Variants in KIF1A observed in about 807,000 individuals in gnomAD.
KIF1A encodes kinesin-like protein KIF1A.
Under a neutral mutation model 227.3 loss-of-function variants are expected in KIF1A, and 46 were observed. That is an observed-to-expected ratio of 0.20 (90% CI 0.16 to 0.26). The LOEUF is 0.26. KIF1A is among the 10% of genes least tolerant of loss of function. The pLI, the probability that KIF1A is intolerant of heterozygous loss-of-function variation, is 1.00. For synonymous variants in KIF1A, 1,022 were observed against 1,012.8 expected (o/e 1.01, Z -0.17); for missense variants, 1,683 against 2,485.9 (o/e 0.68, Z 6.87).
intron 45 of KIF1A, 73 bp downstream of exon 45, chr2:240,720,841 G>A (rs2045270189): frequency 6.8e-7 from 1 of 1,470,004 alleles, no homozygotes; most frequent in East Asian, 2.5e-5. Context: ...TGCTCTCTGT[G>A]CCCGAGTCAC....
At chr2:240,748,678 G>T in intron 28 of KIF1A, 1 of 330,230 alleles carries the variant, frequency 3.0e-6, no homozygotes. Flanking sequence ...CCAGCAGCAG[G>T]GCTGGGGCCC....
At chr2:240,779,700 TCAGTTCCTCA>T (rs1410629569) in intron 10 of KIF1A, among the ~76,000 whole-genome samples, 1 of 148,610 alleles carries the variant, frequency 6.7e-6, no homozygotes, top group African/African-American at 2.6e-5. Flanking sequence ...ACTTCCTCAC[TCAGTTCCTCA>T]CAGTTCCTCA....
At chr2:240,745,179 G>A (rs781559323) in intron 32 of KIF1A, among the ~76,000 whole-genome samples, 4 of 152,068 alleles carry the variant, frequency 2.6e-5, no homozygotes, top group African/African-American at 9.7e-5. Context: ...GCTCCCCATC[G>A]GCTCTATGCT....
chr2:240,819,815 G>T (rs1185290260), intron 1 of KIF1A, among the ~76,000 whole-genome samples: 1 of 152,002 alleles, frequency 6.6e-6, no homozygotes, highest in Admixed American at 6.5e-5. Context: ...CCTCCCGAGG[G>T]CGACCCCCGC....
intron 18 of KIF1A, 83 bp from the exon 19 acceptor site, chr2:240,767,104 A>T: frequency 8.1e-7 from 1 of 1,235,818 alleles, no homozygotes; most frequent in East Asian, 2.5e-5. Context: ...GGGACGCCCA[A>T]CCAGGATTGT....
At chr2:240,779,855 T>C (rs899174703) in intron 10 of KIF1A, among the ~76,000 whole-genome samples, 1 of 152,186 alleles carries the variant, frequency 6.6e-6, no homozygotes, top group African/African-American at 2.4e-5. Flanking sequence ...TCCCAGTTGT[T>C]GTTTCCCACA....
chr2:240,743,125 T>A, intron 33 of KIF1A, 141 bp from the exon 34 acceptor site: 1 of 649,940 alleles, frequency 1.5e-6, no homozygotes, highest in South Asian at 2.6e-5. Flanking sequence ...CCAGCTTGGG[T>A]GGGAGGAAGA....
intron 20 of KIF1A, among the ~76,000 whole-genome samples, chr2:240,763,613 G>A (rs1020795253): frequency 2.0e-5 from 3 of 152,066 alleles, no homozygotes; most frequent in Admixed American, 6.5e-5. Flanking sequence ...CAGTGTCCCC[G>A]CCCCTCCCCA....
chr2:240,741,245 G>T, intron 35 of KIF1A, 24 bp downstream of exon 35: 1 of 1,529,400 alleles, frequency 6.5e-7, no homozygotes, highest in Non-Finnish European at 8.9e-7. Context: ...CTCACGCCCT[G>T]GGGGCCCCAG....
In KIF1A at chr2:240,787,982, G is replaced by T. The variant is rs111869246; in HGVS notation, c.363+69C>A. On this transcript the variant is annotated intron_variant, in intron 4 of 48. Transcript: ENST00000498729. ...GGCTGCTCTCAGGGGTGCCTGGCCC[G>T]GAGCTCTCAGCCTCAGCTGGTCCCG... 10,403 of 1,443,718 alleles carry T rather than the reference G, an allele frequency of 7.2e-3. 609 individuals are homozygous for T. In the African/African-American group the frequency reaches 0.13, roughly 18 times the overall value. The allele number at this position is 1,443,718 out of a possible 1,614,324, so 89.4% of individuals were successfully genotyped here.
At chr2:240,819,125 C>T (rs529044982) in intron 1 of KIF1A, 1 of 152,280 alleles carries the variant, frequency 6.6e-6, no homozygotes, top group South Asian at 2.1e-4. Flanking sequence ...GCGCCCCGCT[C>T]CTGCGGACCC....
chr2:240,795,209 G>T (rs567697628), intron 2 of KIF1A, among the ~76,000 whole-genome samples: 1 of 152,300 alleles, frequency 6.6e-6, no homozygotes, highest in Non-Finnish European at 1.5e-5. Flanking sequence ...GGCTTGCCTA[G>T]ACTTCTGCTC....
chr2:240,819,217 C>T (rs916141290), intron 1 of KIF1A, among the ~76,000 whole-genome samples: 46 of 152,166 alleles, frequency 3.0e-4, no homozygotes, highest in Non-Finnish European at 5.7e-4. Context: ...GCGTGAGGAG[C>T]GGCTTAAAGC....
Position 240,719,724 on chromosome 2 carries a change from CCT to C in KIF1A, c.5021+48_5021+49del, listed in dbSNP as rs766631673. 1.5e-5 allele frequency: 22 copies of C among 1,469,438 alleles called. 1 individual carries two copies. In the African/African-American group the frequency reaches 2.0e-4, roughly 13 times the overall value. 91.0% of individuals were successfully genotyped at this position (1,469,438 alleles called of 1,614,324 possible). A position where few individuals can be genotyped will look rare whatever the true frequency, so the allele number is the denominator to read the frequency against. On this transcript the variant is annotated intron_variant, in intron 46 of 48. Coordinates refer to ENST00000498729, the MANE Select transcript of KIF1A (RefSeq NM_001244008.2). The stretch of plus-strand genomic sequence containing the variant: ...GGGGAGCAGGGTGGCCTGCCTGTCC[CCT>C]GTCAGCACAGAGCTGGTGGCGGTGC...
rs1559496745 is a variant in KIF1A at position 240,746,785 on chromosome 2, G to A, written c.3063+451C>T. On this transcript the variant is annotated intron_variant, in intron 29 of 48. Transcript: ENST00000498729. Reference sequence around the variant, plus strand: ...TGGTCCAGGTGCCACTGGACACAGCGCCGGCCCTTCACATGAGGACCGCAG... The same window carrying A: ...TGGTCCAGGTGCCACTGGACACAGCACCGGCCCTTCACATGAGGACCGCAG... Among the ~76,000 whole-genome samples, 4 of 152,342 alleles carry A rather than the reference G, an allele frequency of 2.6e-5. No homozygotes were observed. The South Asian group carries it at 6.2e-4, about 24-fold the overall frequency.
Position 240,725,255 on chromosome 2 carries a change from A to G in KIF1A, c.4256+16T>C, listed in dbSNP as rs1481149235. The G allele has an allele frequency of 6.3e-7, 1 of 1,587,184 alleles. No homozygotes were observed. Among genetic ancestry groups the G allele is most frequent in the Admixed American group, 1.8e-5 (1 of 56,284 alleles). On this transcript the variant is annotated intron_variant, in intron 40 of 48. Transcript: ENST00000498729. This position sits in a 1 kb window ranked among gnomAD's most constrained non-coding sequence, Gnocchi z 5.8. The stretch of plus-strand genomic sequence containing the variant: ...CAGGGTGGGAGTCCATGTGGTCCTC[A>G]CCCCTGGGAGCTTACCTCTCTGAGG...
rs917473228 is a variant in KIF1A at position 240,725,220 on chromosome 2, G to A, written c.4256+51C>T. On this transcript the variant is annotated intron_variant, in intron 40 of 48. Coordinates refer to ENST00000498729, the MANE Select transcript of KIF1A (RefSeq NM_001244008.2). This position sits in a 1 kb window ranked among gnomAD's most constrained non-coding sequence, Gnocchi z 5.8. ...TGCCAGGCAGAGCCCTGCCTGGCCC[G>A]CACCGAGACCAGGGTGGGAGTCCAT... 71 of 1,553,658 alleles carry A rather than the reference G, an allele frequency of 4.6e-5. No homozygotes were observed. Among genetic ancestry groups the A allele is most frequent in the Middle Eastern group, 1.9e-4 (1 of 5,322 alleles).
intron 38 of KIF1A, among the ~76,000 whole-genome samples, chr2:240,729,123 G>A (rs1053113528): frequency 2.6e-5 from 4 of 152,086 alleles, no homozygotes; most frequent in Non-Finnish European, 4.4e-5. Flanking sequence ...TCTGGCACAC[G>A]TCACTATCTA....
intron 24 of KIF1A, 76 bp downstream of exon 24, chr2:240,761,153 C>T (rs930507980): frequency 6.6e-7 from 1 of 1,506,392 alleles, no homozygotes; most frequent in Non-Finnish European, 9.1e-7. Context: ...TGCTGAGTCC[C>T]AAGTAGCTGT....
Sources: gnomAD v4.1 joint callset for allele counts (sites outside exome capture counted in the v4.1 genomes callset) on GRCh38, gnomAD v4.1.1 for gene constraint, Gnocchi (gnomAD v3.1) non-coding constraint, MANE v1.5 for transcripts, NCBI Gene and HGNC (gene_info 2026-07-23, HGNC 2026-07-21) for gene names.